Variants in FMN2 observed in about 807,000 individuals in gnomAD.
FMN2 encodes the protein formin-2.
FMN2 carries 51 observed loss-of-function variants against 142.3 expected under a neutral mutation model. The ratio of observed to expected loss-of-function variants is 0.36; its 90% confidence interval spans 0.29 to 0.45. The LOEUF is 0.45. FMN2 is among the 20% of genes least tolerant of loss of function. The probability of loss-of-function intolerance (pLI) is 1.00; values close to 1 mark genes in which losing one functional copy is unlikely to be tolerated. For synonymous variants in FMN2, 882 were observed against 869.8 expected, an observed-to-expected ratio of 1.01 and a Z score of -0.25; for missense variants, 1,936 against 2,122.8, an observed-to-expected ratio of 0.91 and a Z score of 1.73.
chr1:240,434,836 G>C (rs1326110183), intron 15 of FMN2, among the ~76,000 whole-genome samples: 1 of 149,592 alleles, frequency 6.7e-6, no homozygotes, highest in African/African-American at 2.5e-5. Context: ...CTCCCAAAAT[G>C]CTGGGATTAC....
intron 16 of FMN2, among the ~76,000 whole-genome samples, chr1:240,446,680 A>G (rs1402368005): frequency 6.6e-6 from 1 of 152,178 alleles, no homozygotes; most frequent in East Asian, 1.9e-4. Flanking sequence ...TTGCTAGAGG[A>G]AGTACAGACC....
intron 8 of FMN2, among the ~76,000 whole-genome samples, chr1:240,309,697 T>G (rs1253667555): frequency 2.0e-5 from 3 of 152,008 alleles, no homozygotes; most frequent in Non-Finnish European, 4.4e-5. Flanking sequence ...GCAGTGCCCC[T>G]CCATCACCTC....
intron 2 of FMN2, among the ~76,000 whole-genome samples, chr1:240,172,463 C>G (rs1664746493): frequency 6.6e-6 from 1 of 152,090 alleles, no homozygotes; most frequent in Admixed American, 6.6e-5. Context: ...TGTAATCAAA[C>G]ATAGATTTTT....
chr1:240,229,654 T>A (rs1667471043), intron 6 of FMN2, among the ~76,000 whole-genome samples: 2 of 152,160 alleles, frequency 1.3e-5, no homozygotes, highest in Admixed American at 6.6e-5. Flanking sequence ...AGCTGACTTT[T>A]TTTTTATTTT....
At chr1:240,115,495 A>G (rs77309052) in intron 1 of FMN2, among the ~76,000 whole-genome samples, 5,107 of 152,260 alleles carry the variant, frequency 0.034, 300 homozygotes, top group African/African-American at 0.12. Flanking sequence ...ACTGACACAC[A>G]TTGCCAAATT....
At chr1:240,318,224 A>C (rs1670854709) in intron 8 of FMN2, among the ~76,000 whole-genome samples, 1 of 152,140 alleles carries the variant, frequency 6.6e-6, no homozygotes, top group East Asian at 1.9e-4. Flanking sequence ...GCACTGCCTC[A>C]TACCCACTTG....
In FMN2 at chr1:240,388,877, A is replaced by AGGG. The variant is rs1245822995; in HGVS notation, c.4859-3627_4859-3625dup. On this transcript the variant is annotated intron_variant, in intron 14 of 17. Transcript: ENST00000319653. ...AACTCCATCTCAAAAAAAAAAAAAA[A>AGGG]GGGGGGGGGTCAAGCATTGCTGGGC... is the stretch of plus-strand genomic sequence containing the variant. Among the ~76,000 whole-genome samples, 464 of 135,752 alleles carry AGGG rather than the reference A, an allele frequency of 3.4e-3. 4 individuals are homozygous for AGGG. The highest frequency in any genetic ancestry group is 0.012 in the African/African-American group (442 of 36,022). 89.1% of individuals were successfully genotyped at this position (135,752 alleles called of 152,430 possible). A position where few individuals can be genotyped will look rare whatever the true frequency, so the allele number is the denominator to read the frequency against.
chr1:240,457,173 ATCT>A (rs1234586666), intron 16 of FMN2, among the ~76,000 whole-genome samples: 3 of 152,052 alleles, frequency 2.0e-5, no homozygotes, highest in African/African-American at 7.2e-5. Flanking sequence ...TCTAGGAAAA[ATCT>A]TCTAAGCTGG....
At chr1:240,122,576 T>G (rs1334150985) in intron 1 of FMN2, among the ~76,000 whole-genome samples, 1 of 152,090 alleles carries the variant, frequency 6.6e-6, no homozygotes, top group Non-Finnish European at 1.5e-5. Flanking sequence ...AGCCACCATG[T>G]CTGGCCTTGG....
At chr1:240,422,586 A>G (rs988389532) in intron 15 of FMN2, among the ~76,000 whole-genome samples, 12 of 152,156 alleles carry the variant, frequency 7.9e-5, no homozygotes, top group African/African-American at 2.9e-4. Context: ...AGTTTTGTAT[A>G]TTGACTTGTG....
At chr1:240,149,484 G>A (rs144748559) in intron 2 of FMN2, among the ~76,000 whole-genome samples, 1 of 152,286 alleles carries the variant, frequency 6.6e-6, no homozygotes, top group Non-Finnish European at 1.5e-5. Context: ...TTTTATTGCA[G>A]TGTTGATTTT....
At chr1:240,441,704 C>G in intron 16 of FMN2, among the ~76,000 whole-genome samples, 1 of 149,706 alleles carries the variant, frequency 6.7e-6, no homozygotes, top group Middle Eastern at 3.4e-3. Context: ...CTGGTATGGT[C>G]CTCATATGGG....
At chr1:240,144,538 G>T in intron 2 of FMN2, 1 of 1,452,748 alleles carries the variant, frequency 6.9e-7, no homozygotes, top group South Asian at 1.1e-5. Context: ...ATGTGAAGAT[G>T]TCTTCTACCA....
intron 13 of FMN2, 73 bp from the exon 14 acceptor site, chr1:240,355,742 TA>T: frequency 1.0e-6 from 1 of 1,001,324 alleles, no homozygotes; most frequent in Non-Finnish European, 1.5e-6. Context: ...TAACATTAGC[TA>T]AGATGTTTTC....
chr1:240,439,279 A>AAAAAAAAAAAGAAAGAAAGAAAG (rs555074808), intron 16 of FMN2, among the ~76,000 whole-genome samples: 1 of 124,724 alleles, frequency 8.0e-6, no homozygotes, highest in African/African-American at 3.1e-5. Context: ...TCAAAAAAAA[A>AAAAAAAAAAAGAAAGAAAGAAAG]AAAGAAAGAA....
At chr1:240,177,679 G>A (rs373857229) in intron 2 of FMN2, among the ~76,000 whole-genome samples, 6 of 152,026 alleles carry the variant, frequency 3.9e-5, no homozygotes, top group Admixed American at 1.3e-4. Context: ...AGAAAGAGGC[G>A]TAGGTTTTAC....
chr1:240,241,244 A>ATTT (rs75842695), intron 6 of FMN2, among the ~76,000 whole-genome samples: 2 of 136,590 alleles, frequency 1.5e-5, no homozygotes, highest in African/African-American at 5.4e-5. Context: ...TTTTAATTGT[A>ATTT]TTTTTTTTTT....
intron 8 of FMN2, among the ~76,000 whole-genome samples, chr1:240,315,600 A>C (rs1670756684): frequency 6.6e-6 from 1 of 152,204 alleles, no homozygotes; most frequent in Non-Finnish European, 1.5e-5. Context: ...CAAGACTTTC[A>C]GGTCCCTGAG....
intron 16 of FMN2, among the ~76,000 whole-genome samples, chr1:240,461,447 G>A (rs1490290132): frequency 2.0e-5 from 3 of 152,142 alleles, no homozygotes; most frequent in Non-Finnish European, 2.9e-5. Context: ...GCCGTGCTGG[G>A]CATGGAATAG....
Sources: allele counts gnomAD v4.1 joint callset (sites outside exome capture counted in the v4.1 genomes callset), GRCh38; gene constraint gnomAD v4.1.1; transcripts MANE v1.5; gene names NCBI Gene and HGNC (gene_info 2026-07-23, HGNC 2026-07-21).